The following NRG4 variants were observed in gnomAD, a reference collection of about 807,000 sequenced individuals.
The protein encoded by NRG4 is pro-neuregulin-4, membrane-bound isoform.
Under a neutral mutation model 15.0 loss-of-function variants are expected in NRG4, and 10 were observed. That is an observed-to-expected ratio of 0.67 (90% CI 0.41 to 1.13). NRG4 has a LOEUF of 1.13. NRG4 is among the 50% of genes most tolerant of loss of function. The pLI is 0.00. For synonymous variants in NRG4, 41 were observed against 50.1 expected, an observed-to-expected ratio of 0.82 and a Z score of 0.77; for missense variants, 139 against 140.2, an observed-to-expected ratio of 0.99 and a Z score of 0.04.
chr15:75,993,329 T>C (rs1464505642), intron 3 of NRG4, among the ~76,000 whole-genome samples: 1 of 146,462 alleles, frequency 6.8e-6, no homozygotes, highest in Non-Finnish European at 1.5e-5. Context: ...TTTCTCCTTC[T>C]GGGTTCCCAA....
At chr15:75,943,734 A>AT in intron 5 of NRG4, 80 bp from the exon 6 acceptor site, 2 of 897,110 alleles carry the variant, frequency 2.2e-6, no homozygotes, top group Non-Finnish European at 3.6e-6. Context: ...CATGTCTCTT[A>AT]TCTTCTTCAC....
intron 3 of NRG4, among the ~76,000 whole-genome samples, chr15:75,999,688 G>T (rs551320663): frequency 9.9e-5 from 15 of 152,156 alleles, no homozygotes; most frequent in African/African-American, 3.4e-4. Context: ...CAGACTAAGA[G>T]AGTAGCCATA....
At chr15:75,969,927 A>G (rs997340427) in intron 3 of NRG4, among the ~76,000 whole-genome samples, 10 of 152,312 alleles carry the variant, frequency 6.6e-5, no homozygotes, top group African/African-American at 1.4e-4. Context: ...CTAAAGATCA[A>G]TCTAATTCTT....
intron 3 of NRG4, among the ~76,000 whole-genome samples, chr15:75,991,155 G>C (rs1437838205): frequency 6.6e-6 from 1 of 152,110 alleles, no homozygotes; most frequent in Non-Finnish European, 1.5e-5. Flanking sequence ...AATGTTTTCT[G>C]TGAAAGGAAA....
rs891518640 is a variant in NRG4 at position 75,942,478 on chromosome 15, A to T, written c.*1160T>A. 6.6e-6 allele frequency: 1 copy of T among 152,182 alleles called. No homozygotes were observed. Among genetic ancestry groups the T allele is most frequent in the African/African-American group, 2.4e-5 (1 of 41,440 alleles). The allele number at this position is 152,182 out of a possible 1,614,324, so 9.4% of individuals were successfully genotyped here. ...ATACTATCTGCTCAGTTTTTCTGAA[A>T]ATCTAAAACTTCTAATAAAGTCTAT... On this transcript the variant is annotated 3_prime_UTR_variant, in exon 6 of 6. Transcript: ENST00000394907.
At position 75,953,769 on chromosome 15, in the gene NRG4, C is replaced by T. The variant is rs952660070; in HGVS notation, c.331+2163G>A. ...GTGCAGGGGCACAATCTTGGCTCAC[C>T]GCAGCCTTGACCTCCTGGGCTCAAG... is the stretch of plus-strand genomic sequence containing the variant. On this transcript the variant is annotated intron_variant, in intron 5 of 5. Transcript: ENST00000394907. 5.9e-5 allele frequency among the ~76,000 whole-genome samples: 9 copies of T among 151,934 alleles called. No homozygotes were observed. In the East Asian group the frequency reaches 1.5e-3, roughly 26 times the overall value.
chr15:76,015,799 G>T (rs898504031), upstream of NRG4, among the ~76,000 whole-genome samples: 3 of 152,218 alleles, frequency 2.0e-5, no homozygotes, highest in Admixed American at 1.3e-4. Context: ...ATGTTGGCCT[G>T]AAGTTTTGTT....
chr15:76,015,487 A>G (rs1345858830), upstream of NRG4, among the ~76,000 whole-genome samples: 1 of 152,202 alleles, frequency 6.6e-6, no homozygotes, highest in Non-Finnish European at 1.5e-5. Context: ...TTTGTCATAA[A>G]TAGCTCTTAT....
chr15:75,984,386 C>T (rs1401272316), intron 3 of NRG4, among the ~76,000 whole-genome samples: 1 of 152,012 alleles, frequency 6.6e-6, no homozygotes, highest in Non-Finnish European at 1.5e-5. Context: ...TAGAACCAAC[C>T]CAAATGTCCA....
intron 3 of NRG4, among the ~76,000 whole-genome samples, chr15:76,000,135 C>T (rs192149681): frequency 1.3e-3 from 194 of 152,258 alleles, no homozygotes; most frequent in Non-Finnish European, 1.4e-3. Flanking sequence ...CCACCCACCT[C>T]GGCCTCCTAA....
intron 4 of NRG4, among the ~76,000 whole-genome samples, chr15:76,038,200 G>A (rs1044248421): frequency 2.1e-4 from 32 of 152,144 alleles, no homozygotes; most frequent in African/African-American, 7.5e-4. Flanking sequence ...TGGTGGCTAT[G>A]GTAAGAGATT....
chr15:76,055,379 C>CT (rs1338847187), intron 2 of NRG4, among the ~76,000 whole-genome samples: 9 of 152,186 alleles, frequency 5.9e-5, no homozygotes, highest in Non-Finnish European at 1.3e-4. Context: ...AACAAAAACT[C>CT]TAAGTGGTCA....
intron 3 of NRG4, among the ~76,000 whole-genome samples, chr15:75,990,004 C>T (rs75545232): frequency 0.017 from 2,656 of 152,216 alleles, 89 homozygotes; most frequent in African/African-American, 0.061. Context: ...CTCTAATCCT[C>T]AAGAGTGACT....
intron 3 of NRG4, among the ~76,000 whole-genome samples, chr15:75,978,492 G>T (rs939615101): frequency 3.3e-5 from 5 of 152,146 alleles, no homozygotes; most frequent in Non-Finnish European, 7.4e-5. Flanking sequence ...ATTGTGAATA[G>T]TGCTGCAATA....
chr15:76,037,770 C>CA (rs1303820974), intron 4 of NRG4, among the ~76,000 whole-genome samples: 2 of 151,938 alleles, frequency 1.3e-5, no homozygotes, highest in Admixed American at 1.3e-4. Context: ...GCTGTGGCTC[C>CA]AAAAAAGTCA....
chr15:75,999,952 C>T (rs1157620850), intron 3 of NRG4, among the ~76,000 whole-genome samples: 1 of 152,152 alleles, frequency 6.6e-6, no homozygotes, highest in Non-Finnish European at 1.5e-5. Context: ...AGCATGATCT[C>T]GGCTCACTGC....
intron 2 of NRG4, among the ~76,000 whole-genome samples, chr15:76,054,668 T>C (rs1039841423): frequency 1.3e-5 from 2 of 152,200 alleles, no homozygotes; most frequent in Non-Finnish European, 2.9e-5. Flanking sequence ...GGATCATTTT[T>C]TTATTACCTC....
downstream of NRG4, chr15:75,938,806 A>T (rs1033144904): frequency 2.0e-5 from 3 of 152,228 alleles, no homozygotes; most frequent in African/African-American, 7.2e-5. Context: ...AACAGGATGT[A>T]GTTAGAAATC....
downstream of NRG4, chr15:75,939,893 AG>A (rs1479583063): frequency 6.6e-6 from 1 of 152,128 alleles, no homozygotes; most frequent in Non-Finnish European, 1.5e-5. Flanking sequence ...ACATAATAAA[AG>A]CCAGACATGA....
Sources: allele counts gnomAD v4.1 joint callset (sites outside exome capture counted in the v4.1 genomes callset), GRCh38; gene constraint gnomAD v4.1.1; transcripts MANE v1.5; gene names NCBI Gene and HGNC (gene_info 2026-07-23, HGNC 2026-07-21).